The following TMCC1 variants were observed in gnomAD, a reference collection of about 807,000 sequenced individuals.
TMCC1 encodes transmembrane and coiled-coil domain family 1, also known as transmembrane and coiled-coil domains protein 1.
A neutral mutation model predicts 52.4 loss-of-function variants in TMCC1; 15 were observed. The observed-to-expected ratio is 0.29, with a 90% CI of 0.19 to 0.44. TMCC1 has a LOEUF of 0.44. TMCC1 is among the 20% of genes least tolerant of loss of function. The probability of loss-of-function intolerance (pLI) is 1.00; values close to 1 mark genes in which losing one functional copy is unlikely to be tolerated. For missense variants in TMCC1, 503 were observed against 806.0 expected (o/e 0.62, Z 4.55); for synonymous variants, 279 against 301.9 (o/e 0.92, Z 0.79).
At position 129,671,277 on chromosome 3, in the gene TMCC1, C is replaced by T; in HGVS notation, c.577-13G>A. 1 of 1,595,606 alleles carries T rather than the reference C, an allele frequency of 6.3e-7. No individual in the cohort carries two copies. On this transcript the variant is annotated splice_polypyrimidine_tract_variant and intron_variant, in intron 4 of 6. Transcript: ENST00000393238. The stretch of plus-strand genomic sequence containing the variant: ...CCAACCGTTCGATCTAGTGTAAAAA[C>T]AAGAGGTACATGTTAGAAGCCCAAG...
At chr3:129,838,752 CAAAAAAAA>C (rs35240365) in intron 2 of TMCC1, among the ~76,000 whole-genome samples, 6 of 65,830 alleles carry the variant, frequency 9.1e-5, no homozygotes, top group African/African-American at 2.7e-4. Context: ...GACTCTGTCT[CAAAAAAAA>C]AAAAAAAAAA....
intron 2 of TMCC1, among the ~76,000 whole-genome samples, chr3:129,836,885 T>G (rs561935922): frequency 9.2e-5 from 14 of 151,984 alleles, no homozygotes; most frequent in Non-Finnish European, 5.9e-5. Context: ...TAGAGAAAGC[T>G]CCTCCATCTC....
intron 4 of TMCC1, among the ~76,000 whole-genome samples, chr3:129,827,278 T>C (rs1368035448): frequency 1.3e-5 from 2 of 152,256 alleles, no homozygotes; most frequent in African/African-American, 4.8e-5. Context: ...AAACAATCTG[T>C]TTATTAATAG....
intron 2 of TMCC1, among the ~76,000 whole-genome samples, chr3:129,879,940 G>T (rs1161432349): frequency 2.0e-5 from 3 of 152,152 alleles, no homozygotes; most frequent in African/African-American, 7.2e-5. Flanking sequence ...TTGGGAAGCT[G>T]AGGTGGGGGA....
At position 129,893,661 on chromosome 3, in the gene TMCC1, ACCG is replaced by A. The variant is rs965602692; in HGVS notation, c.-605_-603del. On this transcript the variant is annotated 5_prime_UTR_variant, in exon 1 of 7. Coordinates refer to ENST00000393238, the MANE Select transcript of TMCC1 (RefSeq NM_001017395.5). Reference sequence around the variant, plus strand: ...AGCCGCCGCCGCCTCAGTCACCGCCACCGCCGCCGCCGCCTCAGCCCCGGCGCG... The same window carrying A: ...AGCCGCCGCCGCCTCAGTCACCGCCACCGCCGCCGCCTCAGCCCCGGCGCG... 1.6e-4 allele frequency: 20 copies of A among 123,556 alleles called. No individual in the cohort carries two copies. The highest frequency in any genetic ancestry group is 3.3e-4 in the African/African-American group (11 of 32,914). The allele number at this position is 123,556 out of a possible 1,614,324, so 7.7% of individuals were successfully genotyped here. A position where few individuals can be genotyped will look rare whatever the true frequency, so the allele number is the denominator to read the frequency against.
At position 129,742,488 on chromosome 3, in the gene TMCC1, C is replaced by G. The variant is rs116209554; in HGVS notation, c.577-71224G>C. Among the ~76,000 whole-genome samples, 497 of 152,194 alleles carry G rather than the reference C, an allele frequency of 3.3e-3. 1 individual carries two copies. The highest frequency in any genetic ancestry group is 0.012 in the African/African-American group (482 of 41,562). On this transcript the variant is annotated intron_variant, in intron 4 of 6. Coordinates refer to ENST00000393238, the MANE Select transcript of TMCC1 (RefSeq NM_001017395.5). Reference sequence around the variant, plus strand: ...AGATGCTCAGCTCATCATTAACCACCAAGGAAGTGTAAATAAAAATGTGAT... The same window carrying G: ...AGATGCTCAGCTCATCATTAACCACGAAGGAAGTGTAAATAAAAATGTGAT...
chr3:129,861,828 C>T (rs530220298), intron 2 of TMCC1, among the ~76,000 whole-genome samples: 14 of 152,152 alleles, frequency 9.2e-5, no homozygotes, highest in African/African-American at 3.4e-4. Flanking sequence ...AAATGTTAAA[C>T]ATAAAAGAGT....
chr3:129,838,217 C>T (rs2059252243), intron 2 of TMCC1, among the ~76,000 whole-genome samples: 1 of 151,818 alleles, frequency 6.6e-6, no homozygotes, highest in Non-Finnish European at 1.5e-5. Context: ...CCAGCCTGGG[C>T]AGCATAGGGA....
chr3:129,719,443 A>G (rs2049385570), intron 4 of TMCC1, among the ~76,000 whole-genome samples: 1 of 152,188 alleles, frequency 6.6e-6, no homozygotes, highest in African/African-American at 2.4e-5. Context: ...ACTCTAGCAA[A>G]TTAACTGAAT....
intron 4 of TMCC1, among the ~76,000 whole-genome samples, chr3:129,754,007 A>T (rs750683415): frequency 6.6e-6 from 1 of 152,062 alleles, no homozygotes; most frequent in Non-Finnish European, 1.5e-5. Context: ...ACCTTCTTGA[A>T]CTAAAAAATA....
chr3:129,681,259 C>T (rs1304006755), intron 4 of TMCC1, among the ~76,000 whole-genome samples: 1 of 152,024 alleles, frequency 6.6e-6, no homozygotes. Context: ...GGAATTCTGA[C>T]AGACTTATAA....
At chr3:129,778,421 C>T (rs2055218822) in intron 4 of TMCC1, among the ~76,000 whole-genome samples, 1 of 152,192 alleles carries the variant, frequency 6.6e-6, no homozygotes, top group African/African-American at 2.4e-5. Flanking sequence ...TGTTCCATCA[C>T]TGATGAAATA....
chr3:129,823,051 C>T (rs987158975), intron 4 of TMCC1, among the ~76,000 whole-genome samples: 5 of 152,132 alleles, frequency 3.3e-5, no homozygotes, highest in Admixed American at 6.5e-5. Context: ...TTTAGGCCAG[C>T]GCAGTGGCTC....
intron 5 of TMCC1, among the ~76,000 whole-genome samples, chr3:129,659,383 C>T (rs1195775952): frequency 3.9e-5 from 6 of 152,034 alleles, no homozygotes; most frequent in Non-Finnish European, 8.8e-5. Flanking sequence ...GTGTGGGGCA[C>T]CACACCTGGC....
chr3:129,767,751 T>C lies in TMCC1; in HGVS notation c.576+60052A>G, dbSNP rs536743724. Among the ~76,000 whole-genome samples, 33 of 152,334 alleles carry C rather than the reference T, an allele frequency of 2.2e-4. 1 individual carries two copies. In the South Asian group the frequency reaches 6.6e-3, roughly 31 times the overall value. On this transcript the variant is annotated intron_variant, in intron 4 of 6. Coordinates refer to ENST00000393238, the MANE Select transcript of TMCC1 (RefSeq NM_001017395.5). ...ATTTCATGAAAATGTAATTTTACAA[T>C]ATGTGACTTTCTGTGTCTGGATTCT...
At chr3:129,801,160 T>C (rs2057168874) in intron 4 of TMCC1, among the ~76,000 whole-genome samples, 1 of 152,094 alleles carries the variant, frequency 6.6e-6, no homozygotes, top group South Asian at 2.1e-4. Context: ...CCTGACCTTT[T>C]GATCTGCCTG....
intron 4 of TMCC1, among the ~76,000 whole-genome samples, chr3:129,705,431 T>C (rs2048150313): frequency 6.6e-6 from 1 of 152,082 alleles, no homozygotes; most frequent in African/African-American, 2.4e-5. Flanking sequence ...GTTGATAATT[T>C]CCTGGAGATC....
chr3:129,766,141 C>T (rs1032776844), intron 4 of TMCC1, among the ~76,000 whole-genome samples: 1 of 152,158 alleles, frequency 6.6e-6, no homozygotes, highest in Non-Finnish European at 1.5e-5. Flanking sequence ...GAAGGCAATG[C>T]AATAATCCCT....
chr3:129,774,890 A>T (rs2054902060), intron 4 of TMCC1, among the ~76,000 whole-genome samples: 1 of 152,208 alleles, frequency 6.6e-6, no homozygotes, highest in Admixed American at 6.5e-5. Context: ...CATGTTAGGA[A>T]GTTTGAACTT....
Sources: gnomAD v4.1 joint callset for allele counts (sites outside exome capture counted in the v4.1 genomes callset) on GRCh38, gnomAD v4.1.1 for gene constraint, MANE v1.5 for transcripts, NCBI Gene and HGNC (gene_info 2026-07-23, HGNC 2026-07-21) for gene names.